The following DYNC1I1 variants were observed in gnomAD, a reference collection of about 807,000 sequenced individuals.
The protein encoded by DYNC1I1 is cytoplasmic dynein 1 intermediate chain 1.
A neutral mutation model predicts 86.6 loss-of-function variants in DYNC1I1; 43 were observed. The observed-to-expected ratio is 0.50, with a 90% CI of 0.39 to 0.64. DYNC1I1 has a LOEUF of 0.64. Ranked by LOEUF, DYNC1I1 falls within the 30% of genes least tolerant of loss-of-function variation. The probability of loss-of-function intolerance (pLI) is 0.00; values close to 1 mark genes in which losing one functional copy is unlikely to be tolerated. For synonymous variants in DYNC1I1, 262 were observed against 283.7 expected (o/e 0.92, Z 0.77); for missense variants, 604 against 788.8 (o/e 0.77, Z 2.81).
chr7:95,904,817 A>C (rs1440242100), intron 6 of DYNC1I1, among the ~76,000 whole-genome samples: 1 of 152,168 alleles, frequency 6.6e-6, no homozygotes, highest in African/African-American at 2.4e-5. Flanking sequence ...AAAAACTTTT[A>C]GCTCCTTCTT....
intron 8 of DYNC1I1, 151 bp from the exon 9 acceptor site, chr7:95,986,905 A>C: frequency 1.5e-6 from 1 of 666,198 alleles, no homozygotes; most frequent in Non-Finnish European, 2.6e-6. Context: ...GACCATCTTT[A>C]GTTCATTAAT....
intron 10 of DYNC1I1, among the ~76,000 whole-genome samples, chr7:96,011,361 A>G (rs1363781603): frequency 1.3e-5 from 2 of 152,198 alleles, no homozygotes; most frequent in African/African-American, 4.8e-5. Context: ...AATAAGTTAA[A>G]TAAAGTAGAG....
intron 6 of DYNC1I1, among the ~76,000 whole-genome samples, chr7:95,962,490 T>C (rs1792896144): frequency 6.6e-6 from 1 of 152,204 alleles, no homozygotes; most frequent in Non-Finnish European, 1.5e-5. Flanking sequence ...ATAACTTTCT[T>C]CCTACCTTGC....
intron 1 of DYNC1I1, among the ~76,000 whole-genome samples, chr7:95,777,527 A>G (rs934686759): frequency 3.3e-5 from 5 of 152,340 alleles, no homozygotes; most frequent in East Asian, 3.9e-4. Context: ...TTTTCAGTTC[A>G]TACTGGTCTT....
At chr7:95,805,765 G>A (rs1037749937) in intron 2 of DYNC1I1, among the ~76,000 whole-genome samples, 1 of 152,082 alleles carries the variant, frequency 6.6e-6, no homozygotes, top group Non-Finnish European at 1.5e-5. Flanking sequence ...AACTTCGTGT[G>A]GTATGATATG....
At chr7:96,038,218 G>T (rs1788926591) in intron 13 of DYNC1I1, among the ~76,000 whole-genome samples, 1 of 152,154 alleles carries the variant, frequency 6.6e-6, no homozygotes, top group Non-Finnish European at 1.5e-5. Context: ...GACATTTATT[G>T]GTGCTCCAGA....
intron 15 of DYNC1I1, among the ~76,000 whole-genome samples, chr7:96,077,690 A>G (rs1329221746): frequency 1.3e-5 from 2 of 152,192 alleles, no homozygotes; most frequent in East Asian, 3.8e-4. Context: ...AGACCGCTGT[A>G]GTAGAAATCC....
chr7:95,864,284 G>A (rs879290141), intron 5 of DYNC1I1, among the ~76,000 whole-genome samples: 4 of 152,188 alleles, frequency 2.6e-5, no homozygotes, highest in Admixed American at 2.6e-4. Context: ...GATTCATAAT[G>A]TCCAATCAAG....
At chr7:95,869,117 A>G (rs1280608112) in intron 5 of DYNC1I1, among the ~76,000 whole-genome samples, 1 of 152,196 alleles carries the variant, frequency 6.6e-6, no homozygotes, top group Non-Finnish European at 1.5e-5. Flanking sequence ...CACTATCCTC[A>G]TCTGTAAAAT....
At chr7:96,077,877 A>G (rs1024965710) in intron 15 of DYNC1I1, among the ~76,000 whole-genome samples, 1 of 152,174 alleles carries the variant, frequency 6.6e-6, no homozygotes, top group Non-Finnish European at 1.5e-5. Flanking sequence ...CTTTCTCTAG[A>G]TATCAAGAGA....
intron 6 of DYNC1I1, among the ~76,000 whole-genome samples, chr7:95,935,320 G>A (rs1344567495): frequency 6.6e-6 from 1 of 151,926 alleles, no homozygotes; most frequent in African/African-American, 2.4e-5. Flanking sequence ...TTCTTTTTAA[G>A]GCTGAATAGT....
chr7:95,803,674 A>T, intron 1 of DYNC1I1, among the ~76,000 whole-genome samples: 1 of 152,170 alleles, frequency 6.6e-6, no homozygotes, highest in East Asian at 1.9e-4. Context: ...CTACTTCAAG[A>T]TACATTATAT....
intron 14 of DYNC1I1, among the ~76,000 whole-genome samples, chr7:96,074,550 C>CA (rs61571160): frequency 0.042 from 2,724 of 64,584 alleles, 49 homozygotes; most frequent in African/African-American, 0.054. Flanking sequence ...GACTCCGTCT[C>CA]AAAAAAAAAA....
In DYNC1I1 at chr7:95,968,217, G is replaced by A. The variant is rs533115213; in HGVS notation, c.491-9295G>A. ...AAAAAAAGGAGGTGGGAAATGGAGA[G>A]AATAAAGGGAGATGTGCAAAAGAAG... On this transcript the variant is annotated intron_variant, in intron 6 of 16. Transcript: ENST00000447467. Among the ~76,000 whole-genome samples, 7 of 152,050 alleles carry A rather than the reference G, an allele frequency of 4.6e-5. No homozygotes were observed. In the East Asian group the frequency reaches 1.3e-3, roughly 29 times the overall value.
At chr7:95,931,075 A>C (rs1042203968) in intron 6 of DYNC1I1, among the ~76,000 whole-genome samples, 1 of 151,692 alleles carries the variant, frequency 6.6e-6, no homozygotes, top group Admixed American at 6.6e-5. Flanking sequence ...CAGGTGAAAT[A>C]TTTTCTAATT....
chr7:96,093,736 C>G (rs1324356185), intron 16 of DYNC1I1, among the ~76,000 whole-genome samples: 1 of 151,852 alleles, frequency 6.6e-6, no homozygotes. Context: ...TCCACATTGA[C>G]TTAGAACAAT....
At chr7:95,781,164 C>T (rs1435236281) in intron 1 of DYNC1I1, among the ~76,000 whole-genome samples, 1 of 152,090 alleles carries the variant, frequency 6.6e-6, no homozygotes, top group African/African-American at 2.4e-5. Flanking sequence ...TTAAAAATGC[C>T]AAACTAAATC....
intron 16 of DYNC1I1, among the ~76,000 whole-genome samples, chr7:96,088,753 G>A (rs1405649564): frequency 2.0e-5 from 3 of 152,094 alleles, no homozygotes; most frequent in Non-Finnish European, 4.4e-5. Context: ...GCTTATTCAT[G>A]TTTCCTGTGT....
chr7:96,059,616 A>G (rs1292164888), intron 14 of DYNC1I1, among the ~76,000 whole-genome samples: 1 of 152,222 alleles, frequency 6.6e-6, no homozygotes, highest in Non-Finnish European at 1.5e-5. Flanking sequence ...TGCAAAAAAA[A>G]ATGAAACAGA....
Sources: allele counts gnomAD v4.1 joint callset (sites outside exome capture counted in the v4.1 genomes callset), GRCh38; gene constraint gnomAD v4.1.1; transcripts MANE v1.5; gene names NCBI Gene and HGNC (gene_info 2026-07-23, HGNC 2026-07-21).